The following DENND1A variants were observed in gnomAD, a reference collection of about 807,000 sequenced individuals.
The protein encoded by DENND1A is DENN domain containing 1A.
Under a neutral mutation model 113.7 loss-of-function variants are expected in DENND1A, and 51 were observed. The ratio of observed to expected loss-of-function variants is 0.45; its 90% CI spans 0.36 to 0.57. The LOEUF (loss-of-function observed/expected upper bound fraction) is 0.57. Ranked by LOEUF, DENND1A falls within the 20% of genes least tolerant of loss-of-function variation. The pLI is 0.00. For synonymous variants in DENND1A, 565 were observed against 570.8 expected, an observed-to-expected ratio of 0.99 and a Z score of 0.14; for missense variants, 1,258 against 1,395.9, an observed-to-expected ratio of 0.90 and a Z score of 1.57.
intron 13 of DENND1A, among the ~76,000 whole-genome samples, chr9:123,511,114 C>T (rs1464783982): frequency 6.6e-6 from 1 of 152,150 alleles, no homozygotes; most frequent in African/African-American, 2.4e-5. Flanking sequence ...TCCCTCAAGG[C>T]CCCAGATATC....
At chr9:123,825,294 CTGA>C (rs1006156092) in intron 2 of DENND1A, among the ~76,000 whole-genome samples, 1 of 150,060 alleles carries the variant, frequency 6.7e-6, no homozygotes, top group Admixed American at 6.6e-5. Flanking sequence ...CCTGGGAACA[CTGA>C]TGACACAGCT....
At chr9:123,535,849 C>T (rs1439503354) in intron 13 of DENND1A, among the ~76,000 whole-genome samples, 1 of 152,118 alleles carries the variant, frequency 6.6e-6, no homozygotes, top group East Asian at 1.9e-4. Flanking sequence ...TCTCTGTCTT[C>T]CTCCACTAGA....
At chr9:123,872,657 A>C (rs982160791) in intron 2 of DENND1A, among the ~76,000 whole-genome samples, 8 of 152,212 alleles carry the variant, frequency 5.3e-5, no homozygotes, top group African/African-American at 1.9e-4. Flanking sequence ...TAATCAGAAA[A>C]CAAGCTATTA....
intron 11 of DENND1A, among the ~76,000 whole-genome samples, chr9:123,589,647 GAAAAAAAAAAAAAA>G (rs58211177): frequency 5.6e-5 from 2 of 35,432 alleles, no homozygotes; most frequent in African/African-American, 1.8e-4. Flanking sequence ...TTCTCAGAAT[GAAAAAAAAAAAAAA>G]AAAAAAAAAA....
intron 6 of DENND1A, among the ~76,000 whole-genome samples, chr9:123,673,100 G>A (rs1410132818): frequency 3.3e-5 from 5 of 152,168 alleles, no homozygotes; most frequent in Non-Finnish European, 5.9e-5. Flanking sequence ...ATTGTCTAAT[G>A]TTTTGTCTAA....
At chr9:123,396,122 C>T (rs1016051737) in intron 21 of DENND1A, among the ~76,000 whole-genome samples, 3 of 152,078 alleles carry the variant, frequency 2.0e-5, no homozygotes, top group African/African-American at 7.2e-5. Flanking sequence ...GTTGGGGTGT[C>T]GGAGTGCTGA....
At chr9:123,864,943 A>T (rs1350650722) in intron 2 of DENND1A, among the ~76,000 whole-genome samples, 1 of 152,192 alleles carries the variant, frequency 6.6e-6, no homozygotes, top group Non-Finnish European at 1.5e-5. Flanking sequence ...AACCAAGTAA[A>T]TGATCCTTGC....
chr9:123,463,619 G>A (rs1358289771), intron 13 of DENND1A, among the ~76,000 whole-genome samples: 1 of 152,078 alleles, frequency 6.6e-6, no homozygotes, highest in Non-Finnish European at 1.5e-5. Context: ...ATTTAAAAGA[G>A]TTAATGTCGG....
intron 19 of DENND1A, among the ~76,000 whole-genome samples, chr9:123,425,326 A>G (rs2045629768): frequency 6.6e-6 from 1 of 152,200 alleles, no homozygotes; most frequent in Non-Finnish European, 1.5e-5. Flanking sequence ...CCTTTAAAGA[A>G]ATGCCGTTTG....
intron 5 of DENND1A, among the ~76,000 whole-genome samples, chr9:123,714,246 G>A (rs997854857): frequency 6.6e-6 from 1 of 152,192 alleles, no homozygotes; most frequent in African/African-American, 2.4e-5. Flanking sequence ...AGTGGGGAAT[G>A]CTGTCTGTGC....
intron 5 of DENND1A, among the ~76,000 whole-genome samples, chr9:123,694,324 TGAAAA>T (rs1040177747): frequency 1.3e-5 from 2 of 152,076 alleles, no homozygotes; most frequent in African/African-American, 2.4e-5. Context: ...GTTTGCTCCT[TGAAAA>T]GAAAAGGTAA....
At chr9:123,690,900 G>A (rs1384219702) in intron 5 of DENND1A, among the ~76,000 whole-genome samples, 1 of 152,204 alleles carries the variant, frequency 6.6e-6, no homozygotes, top group Non-Finnish European at 1.5e-5. Flanking sequence ...TAACAAACTG[G>A]TCACACGAGA....
At chr9:123,680,174 A>G (rs1412801222) in intron 5 of DENND1A, among the ~76,000 whole-genome samples, 1 of 152,156 alleles carries the variant, frequency 6.6e-6, no homozygotes, top group Non-Finnish European at 1.5e-5. Flanking sequence ...GACAGAGAAA[A>G]GCGAAAAGGA....
chr9:123,429,846 T>A (rs963913288), intron 19 of DENND1A, among the ~76,000 whole-genome samples: 7 of 151,940 alleles, frequency 4.6e-5, no homozygotes, highest in Non-Finnish European at 1.0e-4. Context: ...AATTGACAAA[T>A]GGGATCTAAT....
chr9:123,417,581 CAA>C (rs1479477848), intron 19 of DENND1A, among the ~76,000 whole-genome samples: 1 of 152,180 alleles, frequency 6.6e-6, no homozygotes, highest in Admixed American at 6.5e-5. Context: ...CTAAAATTTC[CAA>C]AGTCACCTGG....
At chr9:123,706,223 T>G (rs1022920809) in intron 5 of DENND1A, among the ~76,000 whole-genome samples, 9 of 150,440 alleles carry the variant, frequency 6.0e-5, no homozygotes, top group Non-Finnish European at 1.3e-4. Context: ...CAATCTCGGC[T>G]CACTGCAACC....
chr9:123,414,411 A>T, intron 19 of DENND1A: 1 of 1,441,480 alleles, frequency 6.9e-7, no homozygotes. Flanking sequence ...ATGTCCACCC[A>T]GTCTTGGCAC....
intron 13 of DENND1A, among the ~76,000 whole-genome samples, chr9:123,546,507 G>A (rs1036581256): frequency 4.0e-5 from 6 of 151,530 alleles, no homozygotes; most frequent in Admixed American, 6.6e-5. Context: ...AGCCTAGATC[G>A]CACCACTGCA....
At chr9:123,673,697 T>C (rs1473481497) in intron 6 of DENND1A, among the ~76,000 whole-genome samples, 1 of 152,168 alleles carries the variant, frequency 6.6e-6, no homozygotes, top group Non-Finnish European at 1.5e-5. Flanking sequence ...ACTTCACATC[T>C]CTATTTATTT....
Sources: allele counts gnomAD v4.1 joint callset (sites outside exome capture counted in the v4.1 genomes callset), GRCh38; gene constraint gnomAD v4.1.1; transcripts MANE v1.5; gene names NCBI Gene and HGNC (gene_info 2026-07-23, HGNC 2026-07-21).